The following NEK11 variants were observed in gnomAD, a reference collection of about 807,000 sequenced individuals.
NEK11 encodes NIMA related kinase 11.
In NEK11, 72 loss-of-function variants were observed where a neutral mutation model predicts 80.7. The observed-to-expected ratio is 0.89, with a 90% confidence interval of 0.74 to 1.08. The LOEUF is 1.08. NEK11 is among the 50% of genes least tolerant of loss of function. The probability of loss-of-function intolerance (pLI) is 0.00; values close to 1 mark genes in which losing one functional copy is unlikely to be tolerated. For missense variants in NEK11, 764 were observed against 763.6 expected (o/e 1.00, Z -0.01); for synonymous variants, 251 against 260.7 (o/e 0.96, Z 0.36).
Position 131,265,463 on chromosome 3 carries a change from T to G in NEK11, c.1622-8015T>G, listed in dbSNP as rs910810363. Among the ~76,000 whole-genome samples, 6 of 152,308 alleles carry G rather than the reference T, an allele frequency of 3.9e-5. No homozygotes were observed. The East Asian group carries it at 1.2e-3, about 29-fold the overall frequency. On this transcript the variant is annotated intron_variant, in intron 16 of 17. Coordinates refer to ENST00000383366, the MANE Select transcript of NEK11 (RefSeq NM_024800.5). ...TTGTCGAAGGCCTTTTCTGTGTCTA[T>G]TGAGATAATCATGTGGTTTTTGTCA...
In NEK11 at chr3:131,176,632, A is replaced by G. The variant is rs2093032420; in HGVS notation, c.1399+5745A>G. 2.6e-5 allele frequency among the ~76,000 whole-genome samples: 4 copies of G among 152,288 alleles called. No individual in the cohort carries two copies. In the South Asian group the frequency reaches 8.3e-4, roughly 32 times the overall value. On this transcript the variant is annotated intron_variant, in intron 14 of 17. Transcript: ENST00000383366. Reference sequence around the variant, plus strand: ...TCTGTACGACAAGTCACTAACTAAAATTTCAAAGATTATATCCAATTTGAA... The same window carrying G: ...TCTGTACGACAAGTCACTAACTAAAGTTTCAAAGATTATATCCAATTTGAA...
rs538296328 is a variant in NEK11, at chr3:131,203,189, T to A, written c.1400-25339T>A. Among the ~76,000 whole-genome samples the A allele has an allele frequency of 3.3e-5, 5 of 152,200 alleles. No homozygotes were observed. The South Asian group carries it at 1.0e-3, about 32-fold the overall frequency. On this transcript the variant is annotated intron_variant, in intron 14 of 17. Coordinates refer to ENST00000383366, the MANE Select transcript of NEK11 (RefSeq NM_024800.5). ...CACTTGGAATCAACCCAAATGTCCATCAATGATAGACTGGATTAAGAAAAT... is the reference window on the plus strand; with the variant it reads ...CACTTGGAATCAACCCAAATGTCCAACAATGATAGACTGGATTAAGAAAAT...
At chr3:131,304,851 A>G (rs891340620) in intron 17 of NEK11, among the ~76,000 whole-genome samples, 1 of 152,158 alleles carries the variant, frequency 6.6e-6, no homozygotes, top group Non-Finnish European at 1.5e-5. Flanking sequence ...TCACGCGCAC[A>G]TGCCATCAGC....
rs534827587 is a variant in NEK11, at chr3:131,096,387, G to A, written c.337-13416G>A. ...CGTTTTTATGGCTGTGGAGTATTCC[G>A]TGGTGTATATGTATCATATTTTCTT... On this transcript the variant is annotated intron_variant, in intron 4 of 17. Transcript: ENST00000383366. 3.9e-5 allele frequency among the ~76,000 whole-genome samples: 6 copies of A among 152,032 alleles called. No homozygotes were observed. In the South Asian group the frequency reaches 8.3e-4, roughly 21 times the overall value.
intron 4 of NEK11, among the ~76,000 whole-genome samples, chr3:131,103,287 A>T (rs1353130933): frequency 6.6e-6 from 1 of 152,070 alleles, no homozygotes; most frequent in Non-Finnish European, 1.5e-5. Flanking sequence ...TTCTCATCTG[A>T]GAAGGTTGGC....
chr3:131,077,352 G>T (rs2148991557), intron 3 of NEK11, among the ~76,000 whole-genome samples: 1 of 152,244 alleles, frequency 6.6e-6, no homozygotes, highest in South Asian at 2.1e-4. Context: ...TCCTCTGTCA[G>T]CTCAGTGACG....
chr3:131,246,427 T>C (rs2095603952), intron 16 of NEK11, among the ~76,000 whole-genome samples: 1 of 152,194 alleles, frequency 6.6e-6, no homozygotes, highest in Non-Finnish European at 1.5e-5. Flanking sequence ...GCAAATGCCA[T>C]TATTTCATTC....
chr3:131,282,808 G>A (rs1415507807), intron 17 of NEK11, among the ~76,000 whole-genome samples: 2 of 150,694 alleles, frequency 1.3e-5, no homozygotes, highest in Non-Finnish European at 2.9e-5. Flanking sequence ...GCAATCACTT[G>A]TAAAAATGAT....
chr3:131,168,963 C>G, intron 13 of NEK11, 26 bp downstream of exon 13: 1 of 1,562,108 alleles, frequency 6.4e-7, no homozygotes, highest in Non-Finnish European at 8.8e-7. Flanking sequence ...TTCACAAGCA[C>G]AAAAGTGAGG....
At chr3:131,335,424 A>C (rs1354236773) in intron 17 of NEK11, among the ~76,000 whole-genome samples, 8 of 152,220 alleles carry the variant, frequency 5.3e-5, no homozygotes, top group Non-Finnish European at 8.8e-5. Flanking sequence ...AACAACCTTC[A>C]TGCTAAAAAC....
Position 131,237,482 on chromosome 3 carries a change from T to C in NEK11, c.1561-5954T>C, listed in dbSNP as rs557082298. Among the ~76,000 whole-genome samples, 4 of 152,312 alleles carry C rather than the reference T, an allele frequency of 2.6e-5. No individual in the cohort carries two copies. In the South Asian group the frequency reaches 8.3e-4, roughly 32 times the overall value. The stretch of plus-strand genomic sequence containing the variant: ...ACCTTCATGGGATCTCACTCAGCCT[T>C]ACATATTTACATAGTATTTATTGAT... On this transcript the variant is annotated intron_variant, in intron 15 of 17. Coordinates refer to ENST00000383366, the MANE Select transcript of NEK11 (RefSeq NM_024800.5).
chr3:131,319,600 G>A (rs999874147), intron 17 of NEK11, among the ~76,000 whole-genome samples: 3 of 152,158 alleles, frequency 2.0e-5, no homozygotes, highest in Non-Finnish European at 2.9e-5. Flanking sequence ...GTCTGTAGGG[G>A]AAATATCTTC....
chr3:131,138,026 A>G, intron 7 of NEK11, among the ~76,000 whole-genome samples: 1 of 152,190 alleles, frequency 6.6e-6, no homozygotes, highest in East Asian at 1.9e-4. Flanking sequence ...ACAACTGTCT[A>G]CACAAAGGAA....
intron 17 of NEK11, among the ~76,000 whole-genome samples, chr3:131,326,601 T>C (rs1310296291): frequency 6.6e-6 from 1 of 152,190 alleles, no homozygotes; most frequent in Non-Finnish European, 1.5e-5. Flanking sequence ...CTTTTCTTAA[T>C]GAGCAAAAGT....
chr3:131,272,828 C>A (rs768247021), intron 16 of NEK11, among the ~76,000 whole-genome samples: 1 of 152,066 alleles, frequency 6.6e-6, no homozygotes, highest in Non-Finnish European at 1.5e-5. Context: ...TGGAATATTT[C>A]TTTCCCTCAG....
At chr3:131,147,193 G>A (rs984039005) in intron 7 of NEK11, among the ~76,000 whole-genome samples, 1 of 151,848 alleles carries the variant, frequency 6.6e-6, no homozygotes, top group African/African-American at 2.4e-5. Flanking sequence ...ATTTCATTCT[G>A]TCTTTCACAG....
intron 3 of NEK11, among the ~76,000 whole-genome samples, chr3:131,042,509 G>T (rs2066671349): frequency 6.6e-6 from 1 of 152,150 alleles, no homozygotes; most frequent in African/African-American, 2.4e-5. Context: ...GTTCAAACTG[G>T]GTGGAGCCTA....
At chr3:131,189,370 A>G (rs778981148) in intron 14 of NEK11, among the ~76,000 whole-genome samples, 2 of 152,208 alleles carry the variant, frequency 1.3e-5, no homozygotes, top group Non-Finnish European at 1.5e-5. Context: ...ACAGAAATTT[A>G]TTTATTACCA....
At chr3:131,294,932 G>A (rs982898552) in intron 17 of NEK11, among the ~76,000 whole-genome samples, 3 of 151,972 alleles carry the variant, frequency 2.0e-5, no homozygotes, top group African/African-American at 7.2e-5. Flanking sequence ...ATGGTATCTT[G>A]TTCTCCAACC....
Sources: gnomAD v4.1 joint callset for allele counts (sites outside exome capture counted in the v4.1 genomes callset) on GRCh38, gnomAD v4.1.1 for gene constraint, MANE v1.5 for transcripts, NCBI Gene and HGNC (gene_info 2026-07-23, HGNC 2026-07-21) for gene names.